SUCLG2: variants seen among roughly 807,000 people sequenced by gnomAD.
SUCLG2 encodes the protein succinate-CoA ligase GDP-forming subunit beta.
In SUCLG2, 42 loss-of-function variants were observed where a neutral mutation model predicts 47.9. The observed-to-expected ratio is 0.88, with a 90% CI of 0.69 to 1.14. The LOEUF (loss-of-function observed/expected upper bound fraction) is 1.14. SUCLG2 is among the 50% of genes most tolerant of loss of function. SUCLG2 has a pLI of 0.00. For missense variants in SUCLG2, 571 were observed against 525.9 expected (o/e 1.09, Z -0.84); for synonymous variants, 195 against 197.3 (o/e 0.99, Z 0.10).
At chr3:67,421,957 G>A (rs1187157535) in intron 9 of SUCLG2, among the ~76,000 whole-genome samples, 1 of 152,098 alleles carries the variant, frequency 6.6e-6, no homozygotes, top group Non-Finnish European at 1.5e-5. Context: ...TCAATTCTTT[G>A]AATAAAAGCA....
chr3:67,565,198 G>T (rs1374075693), intron 2 of SUCLG2, among the ~76,000 whole-genome samples: 1 of 152,010 alleles, frequency 6.6e-6, no homozygotes, highest in African/African-American at 2.4e-5. Context: ...GATTTCACTA[G>T]GATTATGTCT....
intron 10 of SUCLG2, among the ~76,000 whole-genome samples, chr3:67,368,633 T>C (rs1701907496): frequency 6.6e-6 from 1 of 152,146 alleles, no homozygotes; most frequent in Admixed American, 6.5e-5. Flanking sequence ...GAGATAGAGT[T>C]TCACTTTTGT....
chr3:67,496,318 G>A (rs922577549), intron 8 of SUCLG2, among the ~76,000 whole-genome samples: 1 of 152,092 alleles, frequency 6.6e-6, no homozygotes, highest in African/African-American at 2.4e-5. Flanking sequence ...ACAAGCTATT[G>A]GAAGTTGCTA....
At chr3:67,634,710 CTT>C (rs1035394770) in intron 1 of SUCLG2, among the ~76,000 whole-genome samples, 2 of 152,138 alleles carry the variant, frequency 1.3e-5, no homozygotes, top group Admixed American at 6.5e-5. Flanking sequence ...ATTTCTTAGT[CTT>C]TTCCCTGCCA....
chr3:67,460,033 C>T (rs960108505), intron 9 of SUCLG2, among the ~76,000 whole-genome samples: 3 of 152,098 alleles, frequency 2.0e-5, no homozygotes, highest in Admixed American at 6.5e-5. Flanking sequence ...AAAGCAGTGA[C>T]GTGATTCCAC....
At chr3:67,613,821 G>A (rs574463799) in intron 1 of SUCLG2, among the ~76,000 whole-genome samples, 13 of 152,114 alleles carry the variant, frequency 8.5e-5, no homozygotes, top group African/African-American at 3.1e-4. Flanking sequence ...TAACACTATT[G>A]GTTCCCTGTG....
rs1257420996 is a variant in SUCLG2 at position 67,484,790 on chromosome 3, A to C, written c.1062+11008T>G. Reference sequence around the variant, plus strand: ...CAAATTATCCCCAAGGATACATCTGATGATGGTTATAAAGATTAAAAAGAC... The same window carrying C: ...CAAATTATCCCCAAGGATACATCTGCTGATGGTTATAAAGATTAAAAAGAC... On this transcript the variant is annotated intron_variant, in intron 9 of 10. Coordinates refer to ENST00000307227, the MANE Select transcript of SUCLG2 (RefSeq NM_003848.4). 2.0e-5 allele frequency among the ~76,000 whole-genome samples: 3 copies of C among 152,228 alleles called. No individual in the cohort carries two copies. The East Asian group carries it at 5.8e-4, about 29-fold the overall frequency.
intron 2 of SUCLG2, among the ~76,000 whole-genome samples, chr3:67,571,551 A>G (rs1228784800): frequency 2.0e-5 from 3 of 152,094 alleles, no homozygotes; most frequent in African/African-American, 7.2e-5. Flanking sequence ...CAACTATCTC[A>G]TTTGTAAATG....
intron 2 of SUCLG2, among the ~76,000 whole-genome samples, chr3:67,554,885 A>G (rs1216713107): frequency 6.6e-6 from 1 of 152,174 alleles, no homozygotes; most frequent in Admixed American, 6.5e-5. Context: ...GTCCCCTAGT[A>G]CGTGAGGACA....
chr3:67,487,291 G>A (rs1432681916), intron 9 of SUCLG2, among the ~76,000 whole-genome samples: 1 of 152,040 alleles, frequency 6.6e-6, no homozygotes, highest in Non-Finnish European at 1.5e-5. Context: ...AGTTTCATGG[G>A]AAACTAAGTA....
At chr3:67,591,305 G>A (rs970604608) in intron 2 of SUCLG2, among the ~76,000 whole-genome samples, 22 of 152,320 alleles carry the variant, frequency 1.4e-4, no homozygotes, top group Admixed American at 3.3e-4. Flanking sequence ...GGGTATAGCA[G>A]TAGATGAAAC....
chr3:67,524,292 T>A (rs576612143), intron 4 of SUCLG2, among the ~76,000 whole-genome samples: 1 of 152,352 alleles, frequency 6.6e-6, no homozygotes, highest in South Asian at 2.1e-4. Context: ...GAAAGCTTTT[T>A]AACTTTCTTT....
chr3:67,585,983 A>AC (rs1708006940), intron 2 of SUCLG2, among the ~76,000 whole-genome samples: 1 of 46,726 alleles, frequency 2.1e-5, no homozygotes, highest in East Asian at 4.0e-4. Flanking sequence ...AAAAAAAAAA[A>AC]AAAAAAAACC....
intron 9 of SUCLG2, among the ~76,000 whole-genome samples, chr3:67,406,916 A>G (rs1274656310): frequency 6.6e-6 from 1 of 152,176 alleles, no homozygotes; most frequent in East Asian, 1.9e-4. Flanking sequence ...CTAGCTATTA[A>G]GCAGTTACAG....
intron 9 of SUCLG2, among the ~76,000 whole-genome samples, chr3:67,469,954 G>A (rs1271758499): frequency 4.7e-5 from 7 of 149,780 alleles, no homozygotes; most frequent in African/African-American, 1.7e-4. Flanking sequence ...CTGAGGCAGG[G>A]GAATCACTTG....
chr3:67,435,368 T>G (rs186656247), intron 9 of SUCLG2, among the ~76,000 whole-genome samples: 120 of 152,316 alleles, frequency 7.9e-4, no homozygotes, highest in Non-Finnish European at 1.5e-3. Context: ...GCAGAAAATA[T>G]GTATTATTAA....
intron 10 of SUCLG2, among the ~76,000 whole-genome samples, chr3:67,381,199 TAAATAAAATA>T (rs10584878): frequency 1.4e-3 from 204 of 146,526 alleles, no homozygotes; most frequent in African/African-American, 4.3e-3. Flanking sequence ...AATAAATAAA[TAAATAAAATA>T]AAATAAAATA....
chr3:67,433,430 G>A lies in SUCLG2; in HGVS notation c.1063-32579C>T, dbSNP rs963368619. The stretch of plus-strand genomic sequence containing the variant: ...TCAGGGAAACTTTCGGATGTGAGCC[G>A]TGATGCCCACTGAGGATAAAGATAG... On this transcript the variant is annotated intron_variant, in intron 9 of 10. Coordinates refer to ENST00000307227, the MANE Select transcript of SUCLG2 (RefSeq NM_003848.4). Among the ~76,000 whole-genome samples, 7 of 152,252 alleles carry A rather than the reference G, an allele frequency of 4.6e-5. No individual in the cohort carries two copies. In the East Asian group the frequency reaches 5.8e-4, roughly 13 times the overall value.
intron 2 of SUCLG2, among the ~76,000 whole-genome samples, chr3:67,560,340 C>T (rs1416645241): frequency 3.3e-5 from 5 of 152,204 alleles, no homozygotes; most frequent in Non-Finnish European, 7.3e-5. Flanking sequence ...TGAGCAGGGA[C>T]TTCTAACCTC....
Sources: gnomAD v4.1 joint callset for allele counts (sites outside exome capture counted in the v4.1 genomes callset) on GRCh38, gnomAD v4.1.1 for gene constraint, MANE v1.5 for transcripts, NCBI Gene and HGNC (gene_info 2026-07-23, HGNC 2026-07-21) for gene names.